The following NIN variants were observed in gnomAD, a reference collection of about 807,000 sequenced individuals.
The protein encoded by NIN is ninein, also known as glycogen synthase kinase 3 beta-interacting protein.
In NIN, 137 loss-of-function variants were observed where a neutral mutation model predicts 257.6. That is an observed-to-expected ratio of 0.53 (90% confidence interval 0.46 to 0.61). The LOEUF (loss-of-function observed/expected upper bound fraction) is 0.61. Ranked by LOEUF, NIN falls within the 20% of genes least tolerant of loss-of-function variation. NIN has a pLI of 0.00. For synonymous variants in NIN, 918 were observed against 919.8 expected, an observed-to-expected ratio of 1.00 and a Z score of 0.04; for missense variants, 2,439 against 2,501.2, an observed-to-expected ratio of 0.98 and a Z score of 0.53.
At chr14:50,791,190 C>T (rs1368698956) in intron 5 of NIN, among the ~76,000 whole-genome samples, 1 of 152,174 alleles carries the variant, frequency 6.6e-6, no homozygotes, top group Non-Finnish European at 1.5e-5. Context: ...GATACCCTTC[C>T]TGACAATAAG....
chr14:50,815,823 C>A (rs1047963952), intron 3 of NIN, among the ~76,000 whole-genome samples: 2 of 152,112 alleles, frequency 1.3e-5, no homozygotes, highest in Non-Finnish European at 2.9e-5. Flanking sequence ...GCCTGGCCAA[C>A]ATGGAGAAAG....
At chr14:50,797,452 T>C (rs934924765) in intron 4 of NIN, among the ~76,000 whole-genome samples, 1 of 152,142 alleles carries the variant, frequency 6.6e-6, no homozygotes, top group Non-Finnish European at 1.5e-5. Flanking sequence ...TCATGTTACA[T>C]TGCTGCTGAG....
At chr14:50,797,148 C>T (rs749480260) in intron 4 of NIN, among the ~76,000 whole-genome samples, 2 of 152,162 alleles carry the variant, frequency 1.3e-5, no homozygotes, top group Non-Finnish European at 2.9e-5. Context: ...AACACATAAG[C>T]GTATTTACCA....
At chr14:50,743,278 C>T in intron 24 of NIN, 138 bp downstream of exon 24, 2 of 622,704 alleles carry the variant, frequency 3.2e-6, no homozygotes, top group Admixed American at 2.4e-5. Flanking sequence ...TATAAACACA[C>T]ATCAAACATT....
intron 22 of NIN, among the ~76,000 whole-genome samples, chr14:50,745,748 C>T (rs1019531862): frequency 5.3e-5 from 8 of 152,186 alleles, no homozygotes; most frequent in Non-Finnish European, 1.5e-5. Flanking sequence ...AAGCTTGATA[C>T]CATTTTGGAT....
intron 7 of NIN, among the ~76,000 whole-genome samples, chr14:50,775,227 G>C (rs766700193): frequency 2.0e-5 from 3 of 152,018 alleles, no homozygotes; most frequent in Non-Finnish European, 4.4e-5. Flanking sequence ...GTAGCAAAAA[G>C]TTCAATTTTA....
In NIN at chr14:50,828,719, A is replaced by G. The variant is rs2142577536; in HGVS notation, c.-22+1745T>C. On this transcript the variant is annotated intron_variant, in intron 2 of 30. Transcript: ENST00000530997. The stretch of plus-strand genomic sequence containing the variant: ...CAAGATAGTTGAAATGTTAGTTTAG[A>G]AAGTCATTTGCAGTGACATTTAAAA... Among the ~76,000 whole-genome samples the G allele has an allele frequency of 2.0e-5, 3 of 152,370 alleles. No individual in the cohort carries two copies. In the South Asian group the frequency reaches 6.2e-4, roughly 32 times the overall value.
Position 50,770,876 on chromosome 14 carries a change from T to A in NIN, c.1235A>T (p.Glu412Val), listed in dbSNP as rs777637146. The A allele has an allele frequency of 6.2e-7, 1 of 1,614,022 alleles. No homozygotes were observed. Among genetic ancestry groups the A allele is most frequent in the Non-Finnish European group, 8.5e-7 (1 of 1,179,980 alleles). The part of the protein sequence containing the change: ...SEVDDHHAAI[E>V]RRNEYNLRKL... ...CCTGAGGTTGTACTCATTCCGCCGC[T>A]CTATGGCCGCATGGTGATCATCCAC... The change falls in exon 11 of 31, where the codon GAG (glutamate) becomes GTG (valine). Residue 412 changes from glutamate (E) to valine (V), a missense_variant. Around this residue, in one of 3 missense-constraint regions of NIN, gnomAD observed 2,043 missense variants for 2,050.2 expected, o/e 1.00. Coordinates refer to ENST00000530997, the MANE Select transcript of NIN (RefSeq NM_020921.4).
chr14:50,747,889 A>T, intron 22 of NIN, 103 bp downstream of exon 22: 1 of 775,570 alleles, frequency 1.3e-6, no homozygotes, highest in Middle Eastern at 2.3e-4. Flanking sequence ...TAGTTGACAG[A>T]ACTTGGTACA....
chr14:50,736,079 A>G (rs1035001051), intron 27 of NIN, among the ~76,000 whole-genome samples: 1 of 152,170 alleles, frequency 6.6e-6, no homozygotes, highest in African/African-American at 2.4e-5. Context: ...AAAGGCTTAA[A>G]ATTGAGAGTA....
intron 2 of NIN, among the ~76,000 whole-genome samples, chr14:50,825,099 A>C (rs2045399110): frequency 6.6e-6 from 1 of 152,224 alleles, no homozygotes; most frequent in Non-Finnish European, 1.5e-5. Context: ...CTGAGAGTTA[A>C]ATGTGGCAAG....
chr14:50,788,722 T>G (rs1397696018), intron 5 of NIN, among the ~76,000 whole-genome samples: 3 of 152,218 alleles, frequency 2.0e-5, no homozygotes, highest in Non-Finnish European at 4.4e-5. Context: ...ATAGGATGAG[T>G]TCCTAGAAGC....
At chr14:50,786,828 T>C (rs2043367515) in intron 5 of NIN, among the ~76,000 whole-genome samples, 1 of 152,256 alleles carries the variant, frequency 6.6e-6, no homozygotes, top group Non-Finnish European at 1.5e-5. Context: ...CAGAATTAAA[T>C]ATTGACTCTG....
intron 7 of NIN, 112 bp from the exon 8 acceptor site, chr14:50,773,207 T>G: frequency 1.5e-6 from 1 of 681,406 alleles, no homozygotes; most frequent in South Asian, 2.3e-5. Flanking sequence ...ACTCCAGAAA[T>G]ATAATTATGC....
At position 50,735,530 on chromosome 14, in the gene NIN, C is replaced by T. The variant is rs762670219; in HGVS notation, c.5863G>A (p.Glu1955Lys). 13 of 1,613,242 alleles carry T rather than the reference C, an allele frequency of 8.1e-6. No individual in the cohort carries two copies. Among genetic ancestry groups the T allele is most frequent in the Non-Finnish European group, 1.0e-5 (12 of 1,179,994 alleles). The change falls in exon 28 of 31, where the codon GAG (glutamate) becomes AAG (lysine). Residue 1955 changes from glutamate to lysine, a missense_variant. By Grantham distance (56) the Glu-to-Lys change is moderately conservative (BLOSUM62 1). Transcript: ENST00000530997. ...GLKKKQVKLD[E>K]QLMEMQHLRS... ...GAGAAACTTACCTCCATGAGCTGCT[C>T]ATCCAGTTTTACTTGTTTCTTTTTC...
intron 27 of NIN, among the ~76,000 whole-genome samples, chr14:50,737,713 T>C (rs1360078864): frequency 1.3e-5 from 2 of 150,992 alleles, no homozygotes; most frequent in African/African-American, 4.9e-5. Context: ...TGTGTGATCT[T>C]AGCTCACTGC....
chr14:50,805,037 G>A (rs188339868), intron 4 of NIN, among the ~76,000 whole-genome samples: 1 of 152,302 alleles, frequency 6.6e-6, no homozygotes, highest in African/African-American at 2.4e-5. Context: ...TCTGGCAGGT[G>A]ACAGTGACAG....
intron 4 of NIN, among the ~76,000 whole-genome samples, chr14:50,795,372 G>A (rs1361504419): frequency 2.0e-5 from 3 of 152,176 alleles, no homozygotes; most frequent in South Asian, 2.1e-4. Flanking sequence ...CAAAGCTAAC[G>A]ATGTTCAGAG....
chr14:50,754,722 A>G lies in NIN; in HGVS notation c.4664+20T>C. 1 of 1,580,784 alleles carries G rather than the reference A, an allele frequency of 6.3e-7. No individual in the cohort carries two copies. On this transcript the variant is annotated intron_variant, in intron 19 of 30. Transcript: ENST00000530997. ...AGTCTTTGCAAAAATGTCTTAGGAAAATGTAAGTATACGTCTTACCACATT... is the reference window on the plus strand; with the variant it reads ...AGTCTTTGCAAAAATGTCTTAGGAAGATGTAAGTATACGTCTTACCACATT...
Sources: allele counts gnomAD v4.1 joint callset (sites outside exome capture counted in the v4.1 genomes callset), GRCh38; gene constraint gnomAD v4.1.1; regional missense constraint gnomAD v4.1.1; transcripts MANE v1.5; gene names NCBI Gene and HGNC (gene_info 2026-07-23, HGNC 2026-07-21).